LONP1: variants seen among roughly 807,000 people sequenced by gnomAD.
LONP1 encodes lon protease homolog, mitochondrial.
LONP1 carries 31 observed loss-of-function variants against 98.5 expected under a neutral mutation model. The observed-to-expected ratio is 0.31, with a 90% CI of 0.24 to 0.42. The LOEUF (loss-of-function observed/expected upper bound fraction) is 0.42. Ranked by LOEUF, LONP1 falls within the 20% of genes least tolerant of loss-of-function variation. The pLI is 1.00. For synonymous variants in LONP1, 781 were observed against 594.7 expected (o/e 1.31, Z -4.56); for missense variants, 1,336 against 1,350.6 (o/e 0.99, Z 0.17).
intron 17 of LONP1, 58 bp downstream of exon 17, chr19:5,693,240 C>T: frequency 6.4e-7 from 1 of 1,557,264 alleles, no homozygotes; most frequent in Non-Finnish European, 8.7e-7. Flanking sequence ...GGGACTGGGC[C>T]TGTCCCGTGG....
At position 5,701,115 on chromosome 19, in the gene LONP1, A is replaced by T. The variant is rs1352449632; in HGVS notation, c.1368-188T>A. Among the ~76,000 whole-genome samples, 3 of 151,910 alleles carry T rather than the reference A, an allele frequency of 2.0e-5. No homozygotes were observed. In the East Asian group the frequency reaches 5.8e-4, roughly 29 times the overall value. ...GATCACTTGAGCCCAGGAGTTCAAG[A>T]CCAGCCTGAGCAACTCAGCAAGACC... On this transcript the variant is annotated intron_variant, in intron 8 of 17. Coordinates refer to ENST00000360614, the MANE Select transcript of LONP1 (RefSeq NM_004793.4).
At chr19:5,695,836 T>G (rs1203741900) in intron 13 of LONP1, among the ~76,000 whole-genome samples, 1 of 152,028 alleles carries the variant, frequency 6.6e-6, no homozygotes, top group Non-Finnish European at 1.5e-5. Flanking sequence ...TGGGCGGTGT[T>G]TTGGACAGTC....
At chr19:5,707,222 G>T in intron 6 of LONP1, 79 bp from the exon 7 acceptor site, 2 of 1,170,216 alleles carry the variant, frequency 1.7e-6, no homozygotes, top group Non-Finnish European at 2.5e-6. Flanking sequence ...GGGAAAATGC[G>T]CACCCTGAGA....
chr19:5,696,730 C>G lies in LONP1; in HGVS notation c.1713G>C (p.Gly571=). 2.5e-6 allele frequency: 4 copies of G among 1,613,558 alleles called. No homozygotes were observed. The South Asian group carries it at 3.3e-5, about 13-fold the overall frequency. ...TCTTCTTCAAACACTGGATGATCTTCCCGGGCATGGCGCCCACGTAGGTCC... is the reference window on the plus strand; with the variant it reads ...TCTTCTTCAAACACTGGATGATCTTGCCGGGCATGGCGCCCACGTAGGTCC... The part of the protein sequence containing the change: ...HRRTYVGAMP[G]KIIQCLKKTK... The change falls in exon 11 of 18, where the codon GGG becomes GGC. Residue 571 remains glycine, a synonymous_variant. Coordinates refer to ENST00000360614, the MANE Select transcript of LONP1 (RefSeq NM_004793.4).
chr19:5,706,748 A>G (rs1334646256), intron 7 of LONP1, among the ~76,000 whole-genome samples: 2 of 152,178 alleles, frequency 1.3e-5, no homozygotes, highest in East Asian at 3.9e-4. Flanking sequence ...GCTGCTTTCC[A>G]ATTTCCAACA....
chr19:5,716,259 C>CATAT (rs3082272), intron 1 of LONP1, among the ~76,000 whole-genome samples: 1,150 of 77,000 alleles, frequency 0.015, 56 homozygotes, highest in East Asian at 0.029. Flanking sequence ...TTAAAATATA[C>CATAT]ATATATATAT....
chr19:5,700,177 G>A (rs1051601084), intron 9 of LONP1, among the ~76,000 whole-genome samples: 4 of 152,042 alleles, frequency 2.6e-5, no homozygotes, highest in Non-Finnish European at 5.9e-5. Context: ...GCAATGGCAC[G>A]ATCTGGGCTC....
chr19:5,696,424 C>G, intron 11 of LONP1, 53 bp from the exon 12 acceptor site: 1 of 1,593,020 alleles, frequency 6.3e-7, no homozygotes, highest in East Asian at 2.2e-5. Flanking sequence ...GGCCAGCCCG[C>G]CCAGTGGGGA....
rs369452747 is a variant in LONP1 at position 5,694,417 on chromosome 19, C to T, written c.2290G>A (p.Val764Met). Residue 764 changes from valine (V) to methionine (M), a missense_variant, in exon 15 of 18, where the codon GTG becomes ATG. This residue lies in a region of LONP1 where 555 missense variants were observed against 542.6 expected (regional missense o/e 1.02). Coordinates refer to ENST00000360614, the MANE Select transcript of LONP1 (RefSeq NM_004793.4). ...ERMYDVTPPG[V>M]VMGLAWTAMG... Reference sequence around the variant, plus strand: ...GCGGTCCAGGCCAGCCCCATGACCACGCCGGGCGGTGTCACGTCATACATG... The same window carrying T: ...GCGGTCCAGGCCAGCCCCATGACCATGCCGGGCGGTGTCACGTCATACATG... 7 of 1,613,520 alleles carry T rather than the reference C, an allele frequency of 4.3e-6. No homozygotes were observed. Among genetic ancestry groups the T allele is most frequent in the Non-Finnish European group, 5.9e-6 (7 of 1,180,010 alleles).
chr19:5,716,852 G>A (rs778412780), intron 1 of LONP1, among the ~76,000 whole-genome samples: 5 of 152,166 alleles, frequency 3.3e-5, no homozygotes, highest in African/African-American at 7.2e-5. Context: ...AGAGCGCAGT[G>A]GAGCGATCTC....
At chr19:5,694,998 C>A (rs982382827) in intron 13 of LONP1, 97 bp from the exon 14 acceptor site, 2 of 1,409,054 alleles carry the variant, frequency 1.4e-6, no homozygotes, top group African/African-American at 1.4e-5. Context: ...GCCCCCAGAC[C>A]CTGGCCTGGG....
chr19:5,706,649 G>A (rs1418685697), intron 7 of LONP1, among the ~76,000 whole-genome samples: 3 of 152,076 alleles, frequency 2.0e-5, no homozygotes, highest in South Asian at 4.1e-4. Context: ...TGAGGTGACC[G>A]GCCATCAGGC....
At chr19:5,715,820 C>G (rs564153162) in intron 1 of LONP1, among the ~76,000 whole-genome samples, 41 of 152,048 alleles carry the variant, frequency 2.7e-4, no homozygotes, top group African/African-American at 9.6e-4. Flanking sequence ...ACTGCACTCG[C>G]TAATTTTTGT....
chr19:5,695,456 C>T (rs2054908921), intron 13 of LONP1, among the ~76,000 whole-genome samples: 1 of 152,170 alleles, frequency 6.6e-6, no homozygotes, highest in Non-Finnish European at 1.5e-5. Flanking sequence ...TCCCCAGGAA[C>T]TACAGGCCCG....
In LONP1 at chr19:5,707,675, TGTG is replaced by T. The variant is rs2055169479; in HGVS notation, c.1062+19_1062+21del. Reference sequence around the variant, plus strand: ...TGGGGTGCAGCCAGGCGTGGGGGGCTGTGGAGGTGACGAGCACTCACATTGGTC... The same window carrying T: ...TGGGGTGCAGCCAGGCGTGGGGGGCTGAGGTGACGAGCACTCACATTGGTC... On this transcript the variant is annotated intron_variant, in intron 6 of 17. Transcript: ENST00000360614. 6.3e-7 allele frequency: 1 copy of T among 1,598,550 alleles called. No homozygotes were observed. The highest frequency in any genetic ancestry group is 8.6e-7 in the Non-Finnish European group (1 of 1,169,180).
chr19:5,709,931 A>AG (rs2055210440), intron 4 of LONP1, among the ~76,000 whole-genome samples: 3 of 150,906 alleles, frequency 2.0e-5, no homozygotes, highest in Admixed American at 2.0e-4. Context: ...AAAAAAAAAA[A>AG]AAAGAACAAG....
intron 9 of LONP1, among the ~76,000 whole-genome samples, chr19:5,699,862 ACTC>A (rs2145594221): frequency 6.7e-6 from 1 of 150,004 alleles, no homozygotes; most frequent in African/African-American, 2.4e-5. Flanking sequence ...CCAGGCTCTG[ACTC>A]CTGTTTTTTA....
chr19:5,707,041 G>A lies in LONP1; in HGVS notation c.1146+19C>T, dbSNP rs376981342. 1.4e-5 allele frequency: 23 copies of A among 1,601,734 alleles called. No homozygotes were observed. In the East Asian group the frequency reaches 1.6e-4, roughly 11 times the overall value. On this transcript the variant is annotated intron_variant, in intron 7 of 17. Transcript: ENST00000360614. ...GGGGAAGGCCCCCAAGAGTGGCTGC[G>A]CCTCAGCCGCGGGCTCACCTCCCGC...
chr19:5,695,727 C>T (rs1279573012), intron 13 of LONP1, among the ~76,000 whole-genome samples: 3 of 152,210 alleles, frequency 2.0e-5, no homozygotes, highest in Non-Finnish European at 2.9e-5. Flanking sequence ...CCACTGCTTC[C>T]GGCTGCCAGA....
Sources: allele counts gnomAD v4.1 joint callset (sites outside exome capture counted in the v4.1 genomes callset), GRCh38; gene constraint gnomAD v4.1.1; regional missense constraint gnomAD v4.1.1; transcripts MANE v1.5; gene names NCBI Gene and HGNC (gene_info 2026-07-23, HGNC 2026-07-21).